The following TSPAN11 variants were observed in gnomAD, a reference collection of about 807,000 sequenced individuals.
TSPAN11 encodes the protein tetraspanin 11.
A neutral mutation model predicts 32.9 loss-of-function variants in TSPAN11; 29 were observed. That is an observed-to-expected ratio of 0.88 (90% CI 0.66 to 1.20). The LOEUF is 1.20. TSPAN11 is among the 50% of genes most tolerant of loss of function. The probability of loss-of-function intolerance (pLI) is 0.00; values close to 1 mark genes in which losing one functional copy is unlikely to be tolerated. For missense variants in TSPAN11, 283 were observed against 329.1 expected (o/e 0.86, Z 1.08); for synonymous variants, 140 against 141.3 (o/e 0.99, Z 0.07).
downstream of TSPAN11, among the ~76,000 whole-genome samples, chr12:31,000,445 G>A (rs1198290781): frequency 6.6e-6 from 1 of 152,188 alleles, no homozygotes; most frequent in Non-Finnish European, 1.5e-5. Context: ...CTCCTATCCT[G>A]GTCTAGGAAC....
intron 7 of TSPAN11, among the ~76,000 whole-genome samples, chr12:30,985,694 T>G (rs1441334213): frequency 2.0e-5 from 3 of 152,200 alleles, no homozygotes; most frequent in African/African-American, 7.2e-5. Context: ...TTCACCTCTC[T>G]GGCCTTGAGA....
At chr12:30,972,155 T>G (rs1439676271) in intron 3 of TSPAN11, among the ~76,000 whole-genome samples, 1 of 152,174 alleles carries the variant, frequency 6.6e-6, no homozygotes, top group African/African-American at 2.4e-5. Flanking sequence ...GGGATCGATT[T>G]TGGAAGGACC....
rs1243134168 is a variant in TSPAN11, at chr12:30,994,000, C to A, written c.*2085C>A. Reference sequence around the variant, plus strand: ...CCATGGGATGGTTGGTCCAGCCTGACTGGGGCAGGATTAGCTGCAATTCCT... The same window carrying A: ...CCATGGGATGGTTGGTCCAGCCTGAATGGGGCAGGATTAGCTGCAATTCCT... On this transcript the variant is annotated 3_prime_UTR_variant, in exon 8 of 8. Transcript: ENST00000546076. The A allele has an allele frequency of 6.6e-6, 1 of 152,284 alleles. No homozygotes were observed. The highest frequency in any genetic ancestry group is 2.4e-5 in the African/African-American group (1 of 41,464). 9.4% of individuals were successfully genotyped at this position (152,284 alleles called of 1,614,324 possible).
At chr12:30,968,185 T>G (rs1381493112) in intron 3 of TSPAN11, among the ~76,000 whole-genome samples, 2 of 152,180 alleles carry the variant, frequency 1.3e-5, no homozygotes, top group East Asian at 3.9e-4. Context: ...AGTGAGTCTA[T>G]CACTAGACCA....
At chr12:30,940,314 A>C (rs951658129) in intron 1 of TSPAN11, among the ~76,000 whole-genome samples, 37 of 152,208 alleles carry the variant, frequency 2.4e-4, no homozygotes, top group African/African-American at 7.2e-4. Context: ...TCCTTCCTTC[A>C]TTCATTCATT....
intron 5 of TSPAN11, among the ~76,000 whole-genome samples, chr12:30,982,184 C>T (rs1315875943): frequency 1.3e-5 from 2 of 152,172 alleles, no homozygotes; most frequent in Non-Finnish European, 2.9e-5. Flanking sequence ...TTTGTCCACC[C>T]TGGGCTCTGC....
At chr12:31,011,606 G>A in the TSPAN11 span, among the ~76,000 whole-genome samples, 1 of 152,168 alleles carries the variant, frequency 6.6e-6, no homozygotes, top group Non-Finnish European at 1.5e-5. Context: ...CACAGCGCAT[G>A]CCAGCCACCA....
At chr12:30,991,363 G>A (rs778034627) in intron 7 of TSPAN11, among the ~76,000 whole-genome samples, 53 of 152,176 alleles carry the variant, frequency 3.5e-4, no homozygotes, top group Middle Eastern at 3.2e-3. Flanking sequence ...TAGAGTCTAA[G>A]GACAGCAAAA....
chr12:30,951,476 G>T (rs1225984626), intron 1 of TSPAN11, among the ~76,000 whole-genome samples: 1 of 152,240 alleles, frequency 6.6e-6, no homozygotes, highest in Non-Finnish European at 1.5e-5. Flanking sequence ...CAGAGGCAGA[G>T]ATTCTTTATT....
In TSPAN11 at chr12:30,979,622, G is replaced by A; in HGVS notation, c.408G>A (p.Gln136=). The A allele has an allele frequency of 1.2e-6, 2 of 1,614,166 alleles. No homozygotes were observed. Among genetic ancestry groups the A allele is most frequent in the Non-Finnish European group, 1.7e-6 (2 of 1,180,024 alleles). Residue 136 remains glutamine, a synonymous_variant, in exon 5 of 8, where the codon CAG becomes CAA. Transcript: ENST00000546076. ...GGACTCTGGCTGAGAACTACGGGCAGCCCGGAGCCACGCAGATCACCGCCT... is the reference window on the plus strand; with the variant it reads ...GGACTCTGGCTGAGAACTACGGGCAACCCGGAGCCACGCAGATCACCGCCT... ...LNRTLAENYG[Q]PGATQITASV... is the part of the protein sequence containing the mutation.
At chr12:30,942,111 G>A (rs147679136) in intron 1 of TSPAN11, among the ~76,000 whole-genome samples, 5 of 152,260 alleles carry the variant, frequency 3.3e-5, no homozygotes, top group Non-Finnish European at 7.4e-5. Context: ...CGTCAGATTC[G>A]GGCTCTGGAT....
At chr12:30,953,423 C>G (rs1286260753) in intron 1 of TSPAN11, among the ~76,000 whole-genome samples, 1 of 152,090 alleles carries the variant, frequency 6.6e-6, no homozygotes, top group Non-Finnish European at 1.5e-5. Context: ...TTCTTCCTGC[C>G]AAACCACCAG....
intron 3 of TSPAN11, among the ~76,000 whole-genome samples, chr12:30,969,815 G>C (rs1249763562): frequency 6.6e-6 from 1 of 152,180 alleles, no homozygotes; most frequent in African/African-American, 2.4e-5. Flanking sequence ...GTGAGAAGGG[G>C]AGGAGGGAAA....
At chr12:30,965,614 A>C (rs560586333) in intron 3 of TSPAN11, among the ~76,000 whole-genome samples, 41 of 152,260 alleles carry the variant, frequency 2.7e-4, no homozygotes, top group Middle Eastern at 3.4e-3. Context: ...ACCTCCCTCT[A>C]TCCTCACTAC....
chr12:30,992,263 A>G lies in TSPAN11; in HGVS notation c.*348A>G. ...GCTCCCTCCCAGCTCCTGAACCTGG[A>G]ACAATCGGCAGAAAACCCAGGAACC... On this transcript the variant is annotated 3_prime_UTR_variant, in exon 8 of 8. Transcript: ENST00000546076. The G allele has an allele frequency of 2.9e-6, 1 of 350,206 alleles. No individual in the cohort carries two copies. Among genetic ancestry groups the G allele is most frequent in the Non-Finnish European group, 5.4e-6 (1 of 186,302 alleles). 21.7% of individuals were successfully genotyped at this position (350,206 alleles called of 1,614,324 possible).
At chr12:30,953,078 G>A (rs1389440422) in intron 1 of TSPAN11, among the ~76,000 whole-genome samples, 2 of 152,152 alleles carry the variant, frequency 1.3e-5, no homozygotes, top group Admixed American at 1.3e-4. Context: ...TTCCCAGAGA[G>A]TCCATCAGTG....
chr12:30,952,220 G>A (rs1938396171), intron 1 of TSPAN11, among the ~76,000 whole-genome samples: 1 of 152,174 alleles, frequency 6.6e-6, no homozygotes, highest in Non-Finnish European at 1.5e-5. Flanking sequence ...GAGGGAGACT[G>A]CAGACAGGAG....
chr12:30,967,273 T>C (rs1938752263), intron 3 of TSPAN11, among the ~76,000 whole-genome samples: 2 of 152,192 alleles, frequency 1.3e-5, no homozygotes, highest in African/African-American at 4.8e-5. Context: ...GGCTGTCACT[T>C]AGTCTGGATG....
rs1040860008 is a variant in TSPAN11, at chr12:30,993,598, C to T, written c.*1683C>T. On this transcript the variant is annotated 3_prime_UTR_variant, in exon 8 of 8. Transcript: ENST00000546076. ...GGTTGCCAATGCAAATTCATTAAAA[C>T]GAAGACCAGATATCCCAGACTGCAC... is the stretch of plus-strand genomic sequence containing the variant. The T allele has an allele frequency of 5.3e-5, 8 of 152,222 alleles. No individual in the cohort carries two copies. The highest frequency in any genetic ancestry group is 1.4e-4 in the African/African-American group (6 of 41,454). The allele number at this position is 152,222 out of a possible 1,614,324, so 9.4% of individuals were successfully genotyped here. A position where few individuals can be genotyped will look rare whatever the true frequency, so the allele number is the denominator to read the frequency against.
Sources: gnomAD v4.1 joint callset for allele counts (sites outside exome capture counted in the v4.1 genomes callset) on GRCh38, gnomAD v4.1.1 for gene constraint, MANE v1.5 for transcripts, NCBI Gene and HGNC (gene_info 2026-07-23, HGNC 2026-07-21) for gene names.